The following CCND2 variants were observed in gnomAD, a reference collection of about 807,000 sequenced individuals.
The protein encoded by CCND2 is cyclin D2, also known as G1/S-specific cyclin-D2.
In CCND2, 6 loss-of-function variants were observed where a neutral mutation model predicts 30.2. That is an observed-to-expected ratio of 0.20 (90% CI 0.11 to 0.39). The LOEUF (loss-of-function observed/expected upper bound fraction) is 0.39. Ranked by LOEUF, CCND2 falls within the 10% of genes least tolerant of loss-of-function variation. CCND2 has a pLI of 1.00. For synonymous variants in CCND2, 150 were observed against 153.1 expected, an observed-to-expected ratio of 0.98 and a Z score of 0.15; for missense variants, 235 against 373.4, an observed-to-expected ratio of 0.63 and a Z score of 3.06.
In CCND2 at chr12:4,276,107, C is replaced by T. The variant is rs2120522945; in HGVS notation, c.298C>T (p.Leu100Phe). 1.2e-6 allele frequency: 2 copies of T among 1,614,150 alleles called. No homozygotes were observed. Among genetic ancestry groups the T allele is most frequent in the Non-Finnish European group, 1.7e-6 (2 of 1,180,026 alleles). ...GVPTPKSHLQ[L>F]LGAVCMFLAS... ...CCCGACTCCGAAGTCCCATCTGCAA[C>T]TCCTGGGTGCTGTCTGCATGTTCCT... The change falls in exon 2 of 5, where the codon CTC (leucine) becomes TTC (phenylalanine). Residue 100 changes from leucine to phenylalanine, a missense_variant. Coordinates refer to ENST00000261254, the MANE Select transcript of CCND2 (RefSeq NM_001759.4). This position sits in a 1 kb window ranked among gnomAD's most constrained non-coding sequence, Gnocchi z 4.8.
chr12:4,275,890 A>G (rs1002529328), intron 1 of CCND2, 115 bp from the exon 2 acceptor site: 2 of 605,332 alleles, frequency 3.3e-6, no homozygotes, highest in Non-Finnish European at 5.5e-6. Context: ...CCCCTCCCAC[A>G]AAAAAAAATT....
At chr12:4,297,000 G>A (rs1175988362) in intron 4 of CCND2, among the ~76,000 whole-genome samples, 1 of 152,178 alleles carries the variant, frequency 6.6e-6, no homozygotes, top group Non-Finnish European at 1.5e-5. Flanking sequence ...ACACCACGAT[G>A]ATTCTGGCAT....
chr12:4,304,498 G>A lies in CCND2; in HGVS notation c.*4489G>A, dbSNP rs1172628624. 8.6e-6 allele frequency: 2 copies of A among 233,548 alleles called. No individual in the cohort carries two copies. The highest frequency in any genetic ancestry group is 1.7e-5 in the Non-Finnish European group (2 of 118,034). 14.5% of individuals were successfully genotyped at this position (233,548 alleles called of 1,614,324 possible). Reference sequence around the variant, plus strand: ...TGCAAAATAGGGTAAGAAGATTCAAGAGGATATTTATTACTTCCTCATACC... The same window carrying A: ...TGCAAAATAGGGTAAGAAGATTCAAAAGGATATTTATTACTTCCTCATACC... On this transcript the variant is annotated 3_prime_UTR_variant, in exon 5 of 5. Coordinates refer to ENST00000261254, the MANE Select transcript of CCND2 (RefSeq NM_001759.4). This position sits in a 1 kb window ranked among gnomAD's most constrained non-coding sequence, Gnocchi z 6.2.
At chr12:4,298,322 G>C (rs530683052) in intron 4 of CCND2, among the ~76,000 whole-genome samples, 22 of 152,212 alleles carry the variant, frequency 1.4e-4, no homozygotes, top group Admixed American at 6.5e-5. Context: ...GCTGTAGTTT[G>C]AAATGTGGGA....
rs185544647 is a variant in CCND2 at position 4,305,158 on chromosome 12, T to C, written c.*5149T>C. Reference sequence around the variant, plus strand: ...TGTATGCGAAAAGGTTTTTAGGAAGTATGGCAAAAATGTTGTATTGGCTAT... The same window carrying C: ...TGTATGCGAAAAGGTTTTTAGGAAGCATGGCAAAAATGTTGTATTGGCTAT... On this transcript the variant is annotated 3_prime_UTR_variant, in exon 5 of 5. Coordinates refer to ENST00000261254, the MANE Select transcript of CCND2 (RefSeq NM_001759.4). The surrounding 1 kb of genome is among the most constrained non-coding windows in gnomAD (Gnocchi z 6.4). The C allele has an allele frequency of 1.7e-5, 4 of 233,568 alleles. No homozygotes were observed. Among genetic ancestry groups the C allele is most frequent in the Admixed American group, 1.1e-4 (2 of 17,804 alleles). The allele number at this position is 233,568 out of a possible 1,614,324, so 14.5% of individuals were successfully genotyped here. A position where few individuals can be genotyped will look rare whatever the true frequency, so the allele number is the denominator to read the frequency against.
In CCND2 at chr12:4,291,207, C is replaced by CTGTGTGTG. The variant is rs1320194012; in HGVS notation, c.720+2237_720+2244dup. On this transcript the variant is annotated intron_variant, in intron 4 of 4. Coordinates refer to ENST00000261254, the MANE Select transcript of CCND2 (RefSeq NM_001759.4). ...AAGGTTCAAGCAGCTCTGGGCTAGG[C>CTGTGTGTG]TGTGTGTGTGTGTGTGTGTGTGTGT... Among the ~76,000 whole-genome samples the CTGTGTGTG allele has an allele frequency of 6.0e-3, 830 of 138,770 alleles. 7 individuals are homozygous for CTGTGTGTG. The highest frequency in any genetic ancestry group is 0.022 in the Middle Eastern group (6 of 278). 91.0% of individuals were successfully genotyped at this position (138,770 alleles called of 152,430 possible). A position where few individuals can be genotyped will look rare whatever the true frequency, so the allele number is the denominator to read the frequency against.
chr12:4,287,077 T>G lies in CCND2; in HGVS notation c.572-1765T>G, dbSNP rs1350129320. On this transcript the variant is annotated intron_variant, in intron 3 of 4. Transcript: ENST00000261254. This position sits in a 1 kb window ranked among gnomAD's most constrained non-coding sequence, Gnocchi z 4.0. ...GGCAGGGAGGCTGGCTTTGTCACAC[T>G]GTTCATGGCGACAGAGAAGGCGTAG... Among the ~76,000 whole-genome samples, 1 of 152,116 alleles carries G rather than the reference T, an allele frequency of 6.6e-6. No homozygotes were observed. The highest frequency in any genetic ancestry group is 1.5e-5 in the Non-Finnish European group (1 of 67,998).
rs1394438474 is a variant in CCND2, at chr12:4,274,272, C to A, written c.195+37C>A. On this transcript the variant is annotated intron_variant, in intron 1 of 4. Coordinates refer to ENST00000261254, the MANE Select transcript of CCND2 (RefSeq NM_001759.4). The surrounding 1 kb of genome is among the most constrained non-coding windows in gnomAD (Gnocchi z 7.7). Reference sequence around the variant, plus strand: ...GGTGGCGCTCGCCAGGAGCCAGGACCCCTCCGGATGCTCGGGTCCCCGGCC... The same window carrying A: ...GGTGGCGCTCGCCAGGAGCCAGGACACCTCCGGATGCTCGGGTCCCCGGCC... The A allele has an allele frequency of 4.4e-6, 7 of 1,600,232 alleles. No individual in the cohort carries two copies. Among genetic ancestry groups the A allele is most frequent in the Non-Finnish European group, 6.0e-6 (7 of 1,169,992 alleles).
Position 4,285,622 on chromosome 12 carries a change from T to A in CCND2, c.572-3220T>A, listed in dbSNP as rs1864012796. On this transcript the variant is annotated intron_variant, in intron 3 of 4. Transcript: ENST00000261254. The surrounding 1 kb of genome is among the most constrained non-coding windows in gnomAD (Gnocchi z 4.1). ...CATGCATGCAATTTGGTTTTCCGCT[T>A]CCTTCTTCTGAGTGGATATTGTGAC... is the stretch of plus-strand genomic sequence containing the variant. 6.1e-6 allele frequency: 1 copy of A among 162,744 alleles called. No individual in the cohort carries two copies. The highest frequency in any genetic ancestry group is 2.0e-4 in the South Asian group (1 of 5,026). 10.1% of individuals were successfully genotyped at this position (162,744 alleles called of 1,614,324 possible). A position where few individuals can be genotyped will look rare whatever the true frequency, so the allele number is the denominator to read the frequency against.
intron 4 of CCND2, among the ~76,000 whole-genome samples, chr12:4,296,853 T>C (rs1428029201): frequency 6.6e-6 from 1 of 152,062 alleles, no homozygotes; most frequent in Non-Finnish European, 1.5e-5. Context: ...AAGAAGAAAA[T>C]ATCAATTTAG....
At position 4,282,629 on chromosome 12, in the gene CCND2, C is replaced by T. The variant is rs1182059117; in HGVS notation, c.571+3710C>T. 4.6e-5 allele frequency among the ~76,000 whole-genome samples: 7 copies of T among 152,214 alleles called. No homozygotes were observed. Among genetic ancestry groups the T allele is most frequent in the Non-Finnish European group, 1.0e-4 (7 of 68,034 alleles). On this transcript the variant is annotated intron_variant, in intron 3 of 4. Coordinates refer to ENST00000261254, the MANE Select transcript of CCND2 (RefSeq NM_001759.4). The surrounding 1 kb of genome is among the most constrained non-coding windows in gnomAD (Gnocchi z 4.3). ...CATGGGACTGAGGGGGAGTCGTTAG[C>T]ATGCCCTGTGGGGACAAGCAGCCAG...
In CCND2 at chr12:4,304,007, C is replaced by T. The variant is rs1055169925; in HGVS notation, c.*3998C>T. On this transcript the variant is annotated 3_prime_UTR_variant, in exon 5 of 5. Transcript: ENST00000261254. The surrounding 1 kb of genome is among the most constrained non-coding windows in gnomAD (Gnocchi z 6.2). Reference sequence around the variant, plus strand: ...ACTCTTCAGACGGAGCTGCGCTTCCCTGCAGTCTAGCACCTCTAGGGCCTC... The same window carrying T: ...ACTCTTCAGACGGAGCTGCGCTTCCTTGCAGTCTAGCACCTCTAGGGCCTC... 32 of 233,222 alleles carry T rather than the reference C, an allele frequency of 1.4e-4. No homozygotes were observed. The highest frequency in any genetic ancestry group is 6.4e-4 in the African/African-American group (29 of 45,326). The allele number at this position is 233,222 out of a possible 1,614,324, so 14.4% of individuals were successfully genotyped here.
chr12:4,286,191 A>G (rs577494151), intron 3 of CCND2, among the ~76,000 whole-genome samples: 1 of 152,350 alleles, frequency 6.6e-6, no homozygotes, highest in South Asian at 2.1e-4. Context: ...GGTGAGCCTG[A>G]TACTTTCTAT....
chr12:4,275,982 A>AC, intron 1 of CCND2, 23 bp from the exon 2 acceptor site: 1 of 1,429,672 alleles, frequency 7.0e-7, no homozygotes. Flanking sequence ...CCGCCCCCCA[A>AC]CCCTTTCCCA....
intron 4 of CCND2, among the ~76,000 whole-genome samples, chr12:4,291,496 T>C (rs932986442): frequency 6.6e-6 from 1 of 152,102 alleles, no homozygotes; most frequent in South Asian, 2.1e-4. Context: ...ATCTGGGAAA[T>C]AGAGGATGAG....
chr12:4,279,199 A>C (rs925545961), intron 3 of CCND2, among the ~76,000 whole-genome samples: 3 of 152,226 alleles, frequency 2.0e-5, no homozygotes, highest in African/African-American at 7.2e-5. Context: ...TATGATGGCT[A>C]AAGTGCTCTT....
chr12:4,280,871 G>A (rs1863939172), intron 3 of CCND2, among the ~76,000 whole-genome samples: 1 of 152,248 alleles, frequency 6.6e-6, no homozygotes, highest in African/African-American at 2.4e-5. Flanking sequence ...TAGGGGTGCT[G>A]GGTGGAGTTA....
In CCND2 at chr12:4,300,076, T is replaced by A. The variant is rs1864227684; in HGVS notation, c.*67T>A. 1.4e-6 allele frequency: 2 copies of A among 1,469,246 alleles called. No individual in the cohort carries two copies. The highest frequency in any genetic ancestry group is 1.4e-5 in the African/African-American group (1 of 71,118). The allele number at this position is 1,469,246 out of a possible 1,614,324, so 91.0% of individuals were successfully genotyped here. A position where few individuals can be genotyped will look rare whatever the true frequency, so the allele number is the denominator to read the frequency against. On this transcript the variant is annotated 3_prime_UTR_variant, in exon 5 of 5. Transcript: ENST00000261254. ...TGGTCTCTTCTTCTTTCTGGTTGTTTTTGTTCTTTGTGTTTTAGGGTGAAA... is the reference window on the plus strand; with the variant it reads ...TGGTCTCTTCTTCTTTCTGGTTGTTATTGTTCTTTGTGTTTTAGGGTGAAA...
rs1276168126 is a variant in CCND2, at chr12:4,293,032, G to T, written c.720+4042G>T. On this transcript the variant is annotated intron_variant, in intron 4 of 4. Transcript: ENST00000261254. The surrounding 1 kb of genome is among the most constrained non-coding windows in gnomAD (Gnocchi z 4.9). ...GGGAGTGATGCTTAAGAGAGGAAGG[G>T]AAGAGGAAGGAAGGAGCAAAGGACA... 6.6e-6 allele frequency among the ~76,000 whole-genome samples: 1 copy of T among 152,216 alleles called. No individual in the cohort carries two copies. The highest frequency in any genetic ancestry group is 1.5e-5 in the Non-Finnish European group (1 of 68,030).
Sources: gnomAD v4.1 joint callset for allele counts (sites outside exome capture counted in the v4.1 genomes callset) on GRCh38, gnomAD v4.1.1 for gene constraint, Gnocchi (gnomAD v3.1) non-coding constraint, MANE v1.5 for transcripts, NCBI Gene and HGNC (gene_info 2026-07-23, HGNC 2026-07-21) for gene names.